DIDO1: variants seen among roughly 807,000 people sequenced by gnomAD.
DIDO1 encodes death-inducer obliterator 1.
A neutral mutation model predicts 99.4 loss-of-function variants in DIDO1; 16 were observed. That is an observed-to-expected ratio of 0.16 (90% CI 0.11 to 0.24). The LOEUF (loss-of-function observed/expected upper bound fraction) is 0.24, where lower values mean the gene tolerates loss of function less well. DIDO1 is among the 10% of genes least tolerant of loss of function. DIDO1 has a pLI of 1.00. For synonymous variants in DIDO1, 1,366 were observed against 1,239.1 expected (o/e 1.10, Z -2.15); for missense variants, 2,996 against 3,014.0 (o/e 0.99, Z 0.14).
intron 6 of DIDO1, among the ~76,000 whole-genome samples, chr20:62,900,209 C>T (rs1283289694): frequency 2.6e-5 from 4 of 152,228 alleles, no homozygotes; most frequent in African/African-American, 9.6e-5. Context: ...CACCTCTCTG[C>T]CCCTTGGTCG....
rs779719391 is a variant in DIDO1 at position 62,909,832 on chromosome 20, C to G, written c.1028G>C (p.Gly343Ala). 6 of 1,614,104 alleles carry G rather than the reference C, an allele frequency of 3.7e-6. No homozygotes were observed. The African/African-American group carries it at 5.3e-5, about 14-fold the overall frequency. The change falls in exon 4 of 16, where the codon GGA becomes GCA. Residue 343 changes from glycine (G) to alanine (A), a missense_variant. Physicochemically the swap from Gly to Ala is moderately conservative, Grantham distance 60. Coordinates refer to ENST00000395343, the MANE Select transcript of DIDO1 (RefSeq NM_001193369.2). ...ADQQEAKWRP[G>A]DADGTDCTSI... ...TGTACAATCGGTGCCATCAGCATCT[C>G]CAGGTCTCCATTTAGCTTCCTGCTG... is the stretch of plus-strand genomic sequence containing the variant.
At position 62,892,914 on chromosome 20, in the gene DIDO1, C is replaced by T; in HGVS notation, c.3150G>A (p.Leu1050=). 2 of 1,613,582 alleles carry T rather than the reference C, an allele frequency of 1.2e-6. No individual in the cohort carries two copies. Among genetic ancestry groups the T allele is most frequent in the Non-Finnish European group, 8.5e-7 (1 of 1,179,838 alleles). ...SPPEGDTTLF[L]SRLSTIWKGF... is the part of the protein sequence containing the mutation. ...CTTTCCAAATGGTGCTGAGTCGAGA[C>T]AAAAAGAGGGTCGTGTCTCCCTCTG... The change falls in exon 13 of 16, where the codon TTG becomes TTA. Residue 1050 remains leucine, a synonymous_variant. Coordinates refer to ENST00000395343, the MANE Select transcript of DIDO1 (RefSeq NM_001193369.2).
chr20:62,915,165 A>C (rs546157491), intron 1 of DIDO1, among the ~76,000 whole-genome samples: 76 of 151,816 alleles, frequency 5.0e-4, no homozygotes, highest in African/African-American at 1.8e-3. Flanking sequence ...AAACATTCCA[A>C]CTCCCCTCCT....
intron 3 of DIDO1, among the ~76,000 whole-genome samples, 173 bp downstream of exon 3, chr20:62,910,601 A>G (rs1280230044): frequency 6.6e-6 from 1 of 152,210 alleles, no homozygotes; most frequent in Non-Finnish European, 1.5e-5. Flanking sequence ...CAGAGTGGAG[A>G]GGTGGCTCTA....
intron 1 of DIDO1, among the ~76,000 whole-genome samples, chr20:62,916,214 T>C (rs1313896309): frequency 2.6e-5 from 4 of 152,208 alleles, no homozygotes. Context: ...AGTAACAACT[T>C]TTCCCCAGAA....
At chr20:62,919,296 C>T (rs1186776926) in intron 1 of DIDO1, among the ~76,000 whole-genome samples, 1 of 152,092 alleles carries the variant, frequency 6.6e-6, no homozygotes, top group African/African-American at 2.4e-5. Flanking sequence ...GCCTGCACTT[C>T]GGGAGGCTGA....
At chr20:62,937,064 T>C (rs80159072) in intron 1 of DIDO1, among the ~76,000 whole-genome samples, 2,864 of 152,348 alleles carry the variant, frequency 0.019, 83 homozygotes, top group African/African-American at 0.063. Flanking sequence ...GGACTTACTG[T>C]CGCTGAGTAG....
chr20:62,933,045 T>A (rs932310078), intron 1 of DIDO1, among the ~76,000 whole-genome samples: 14 of 152,188 alleles, frequency 9.2e-5, no homozygotes, highest in Non-Finnish European at 1.9e-4. Flanking sequence ...AAACCCCATC[T>A]CTACTAACAA....
At chr20:62,932,826 G>A (rs1322754999) in intron 1 of DIDO1, among the ~76,000 whole-genome samples, 1 of 152,172 alleles carries the variant, frequency 6.6e-6, no homozygotes, top group African/African-American at 2.4e-5. Flanking sequence ...ATAAAATCAG[G>A]CAAAAAGAGG....
At position 62,880,289 on chromosome 20, in the gene DIDO1, G is replaced by C; in HGVS notation, c.5667C>G (p.Phe1889Leu). 6.2e-7 allele frequency: 1 copy of C among 1,612,720 alleles called. No individual in the cohort carries two copies. Among genetic ancestry groups the C allele is most frequent in the African/African-American group, 1.3e-5 (1 of 75,068 alleles). ...LGSRGGAPFQ[F>L]GGQRRPLLSQ... Reference sequence around the variant, plus strand: ...ACAGCAGTGGCCTTCTCTGGCCTCCGAACTGGAAAGGCGCGCCGCCTCTGC... The same window carrying C: ...ACAGCAGTGGCCTTCTCTGGCCTCCCAACTGGAAAGGCGCGCCGCCTCTGC... Residue 1889 changes from phenylalanine to leucine, a missense_variant, in exon 16 of 16, where the codon TTC (phenylalanine) becomes TTG (leucine). Phe to Leu is a conservative substitution (Grantham distance 22). This residue lies in a region of DIDO1 where 1,562 missense variants were observed against 1,412.6 expected (regional missense o/e 1.11). Coordinates refer to ENST00000395343, the MANE Select transcript of DIDO1 (RefSeq NM_001193369.2).
chr20:62,897,795 T>C (rs1436246239), intron 6 of DIDO1, among the ~76,000 whole-genome samples: 3 of 152,134 alleles, frequency 2.0e-5, no homozygotes, highest in Non-Finnish European at 4.4e-5. Flanking sequence ...CCAAAGGCCC[T>C]CGAGCAGGGG....
Position 62,882,264 on chromosome 20 carries a change from A to G in DIDO1, c.3692T>C (p.Val1231Ala), listed in dbSNP as rs2064222038. Reference protein sequence around the residue: ...EEADVPAYPKVATVPQSEKKP... With the variant: ...EEADVPAYPKAATVPQSEKKP... ...CTTTTCCGACTGCGGGACTGTGGCTACTTTTGGATAGGCCGGAACGTCCGC... is the reference window on the plus strand; with the variant it reads ...CTTTTCCGACTGCGGGACTGTGGCTGCTTTTGGATAGGCCGGAACGTCCGC... Residue 1231 changes from valine to alanine, a missense_variant, in exon 16 of 16, where the codon GTA becomes GCA. Around this residue, in one of 5 missense-constraint regions of DIDO1, gnomAD observed 1,562 missense variants for 1,412.6 expected, o/e 1.11. Transcript: ENST00000395343. The G allele has an allele frequency of 1.9e-6, 3 of 1,613,950 alleles. No homozygotes were observed. Among genetic ancestry groups the G allele is most frequent in the East Asian group, 2.2e-5 (1 of 44,888 alleles).
At chr20:62,934,428 T>G (rs1321098968) in intron 1 of DIDO1, among the ~76,000 whole-genome samples, 1 of 152,150 alleles carries the variant, frequency 6.6e-6, no homozygotes, top group Non-Finnish European at 1.5e-5. Context: ...ACTTCTGACC[T>G]CCCTACTACA....
At position 62,880,372 on chromosome 20, in the gene DIDO1, C is replaced by T; in HGVS notation, c.5584G>A (p.Glu1862Lys). 3 of 1,612,818 alleles carry T rather than the reference C, an allele frequency of 1.9e-6. No individual in the cohort carries two copies. The highest frequency in any genetic ancestry group is 2.2e-5 in the East Asian group (1 of 44,860). Residue 1862 changes from glutamate to lysine, a missense_variant, in exon 16 of 16, where the codon GAG becomes AAG. Physicochemically the swap from Glu to Lys is moderately conservative, Grantham distance 56. Coordinates refer to ENST00000395343, the MANE Select transcript of DIDO1 (RefSeq NM_001193369.2). ...KREFQDAPYN[E>K]VTGAPAQFEG... Reference sequence around the variant, plus strand: ...AACTGGGCGGGGGCGCCCGTCACCTCGTTATACGGGGCGTCCTGGAACTCC... The same window carrying T: ...AACTGGGCGGGGGCGCCCGTCACCTTGTTATACGGGGCGTCCTGGAACTCC...
In DIDO1 at chr20:62,880,603, T is replaced by C. The variant is rs751896532; in HGVS notation, c.5353A>G (p.Asn1785Asp). 1 of 1,612,872 alleles carries C rather than the reference T, an allele frequency of 6.2e-7. No individual in the cohort carries two copies. The highest frequency in any genetic ancestry group is 8.5e-7 in the Non-Finnish European group (1 of 1,180,000). The part of the protein sequence containing the change: ...RGPAPPFPEE[N>D]IASNDGPRGP... ...CGTGGCCCATCGTTAGAAGCGATAT[T>C]CTCTTCTGGAAACGGAGGGGCTGGC... The change falls in exon 16 of 16, where the codon AAT becomes GAT. Residue 1785 changes from asparagine to aspartate, a missense_variant. Asn to Asp is a conservative substitution (Grantham distance 23). Transcript: ENST00000395343.
chr20:62,934,103 A>G (rs1355859546), intron 1 of DIDO1, among the ~76,000 whole-genome samples: 1 of 152,152 alleles, frequency 6.6e-6, no homozygotes, highest in Non-Finnish European at 1.5e-5. Flanking sequence ...AGCAGGCTGA[A>G]GTCCTTGTCA....
chr20:62,901,332 T>G (rs774046687), intron 6 of DIDO1, among the ~76,000 whole-genome samples: 1 of 152,124 alleles, frequency 6.6e-6, no homozygotes, highest in Non-Finnish European at 1.5e-5. Flanking sequence ...GGTGTGTAAT[T>G]CTCCCTAAGA....
At chr20:62,933,076 G>A (rs2065346962) in intron 1 of DIDO1, among the ~76,000 whole-genome samples, 1 of 152,230 alleles carries the variant, frequency 6.6e-6, no homozygotes, top group South Asian at 2.1e-4. Context: ...GCCGGGCGTG[G>A]TGGCGCATGT....
In DIDO1 at chr20:62,894,887, T is replaced by A. The variant is rs562403820; in HGVS notation, c.2359A>T (p.Asn787Tyr). Reference sequence around the variant, plus strand: ...CTGGGGGCCGTCTTCTTGCTTTCATTGTGCAGTTTAGTTCTGGACTCCATC... The same window carrying A: ...CTGGGGGCCGTCTTCTTGCTTTCATAGTGCAGTTTAGTTCTGGACTCCATC... ...SVMESRTKLH[N>Y]ESKKTAPRQE... Residue 787 changes from asparagine (N) to tyrosine (Y), a missense_variant, in exon 10 of 16, where the codon AAT (asparagine) becomes TAT (tyrosine). Physicochemically the swap from Asn to Tyr is moderately radical, Grantham distance 143. Transcript: ENST00000395343. The surrounding 1 kb of genome is among the most constrained non-coding windows in gnomAD (Gnocchi z 4.4). 1 of 1,614,002 alleles carries A rather than the reference T, an allele frequency of 6.2e-7. No individual in the cohort carries two copies. The highest frequency in any genetic ancestry group is 1.3e-5 in the African/African-American group (1 of 74,904).
Sources: allele counts gnomAD v4.1 joint callset (sites outside exome capture counted in the v4.1 genomes callset), GRCh38; gene constraint gnomAD v4.1.1; regional missense constraint gnomAD v4.1.1; non-coding constraint Gnocchi (gnomAD v3.1); transcripts MANE v1.5; gene names NCBI Gene and HGNC (gene_info 2026-07-23, HGNC 2026-07-21).